Variants in ARHGAP28 observed in about 807,000 individuals in gnomAD.
The protein encoded by ARHGAP28 is Rho GTPase activating protein 28, also known as rho GTPase-activating protein 28.
A neutral mutation model predicts 90.7 loss-of-function variants in ARHGAP28; 56 were observed. The observed-to-expected ratio is 0.62, with a 90% CI of 0.50 to 0.77. The LOEUF (loss-of-function observed/expected upper bound fraction) is 0.77. ARHGAP28 is among the 30% of genes least tolerant of loss of function. The probability of loss-of-function intolerance (pLI) is 0.00; values close to 1 mark genes in which losing one functional copy is unlikely to be tolerated. For missense variants in ARHGAP28, 869 were observed against 900.9 expected, an observed-to-expected ratio of 0.96 and a Z score of 0.45; for synonymous variants, 308 against 323.3, an observed-to-expected ratio of 0.95 and a Z score of 0.51.
chr18:6,761,358 T>C (rs760826082), intron 1 of ARHGAP28, among the ~76,000 whole-genome samples: 15 of 152,230 alleles, frequency 9.9e-5, no homozygotes, highest in African/African-American at 3.6e-4. Flanking sequence ...TGTGCATTAG[T>C]AAACATGGAA....
At chr18:6,882,386 C>T in intron 11 of ARHGAP28, 87 bp downstream of exon 11, 2 of 1,344,356 alleles carry the variant, frequency 1.5e-6, no homozygotes, top group Admixed American at 4.6e-5. Flanking sequence ...CAAATGTGCT[C>T]ATGTATAGAT....
chr18:6,729,845 C>A lies in ARHGAP28; in HGVS notation c.24C>A (p.Gly8=). The A allele has an allele frequency of 7.0e-7, 1 of 1,428,988 alleles. No homozygotes were observed. The highest frequency in any genetic ancestry group is 9.1e-7 in the Non-Finnish European group (1 of 1,094,696). The allele number at this position is 1,428,988 out of a possible 1,614,324, so 88.5% of individuals were successfully genotyped here. A position where few individuals can be genotyped will look rare whatever the true frequency, so the allele number is the denominator to read the frequency against. Residue 8 remains glycine, a synonymous_variant, in exon 1 of 18, where the codon GGC becomes GGA. Coordinates refer to ENST00000383472, the MANE Select transcript of ARHGAP28 (RefSeq NM_001366230.1). ...CGATGGAGGTGGAGGACTCGGGCGG[C>A]GTGGTGCTGACCGCCTACCACTCGT... is the stretch of plus-strand genomic sequence containing the variant. The part of the protein sequence containing the change: MEVEDSG[G]VVLTAYHSYA...
intron 5 of ARHGAP28, among the ~76,000 whole-genome samples, chr18:6,865,811 AG>A (rs1280493167): frequency 6.6e-6 from 1 of 152,176 alleles, no homozygotes; most frequent in African/African-American, 2.4e-5. Flanking sequence ...TGGTGTAACT[AG>A]GGCAGCAGAG....
intron 4 of ARHGAP28, among the ~76,000 whole-genome samples, chr18:6,852,466 A>G (rs1600247551): frequency 6.6e-6 from 1 of 152,252 alleles, no homozygotes; most frequent in East Asian, 1.9e-4. Context: ...GCAAAATACA[A>G]TCATACCATT....
chr18:6,881,722 CCTT>C (rs1386257367), intron 10 of ARHGAP28, among the ~76,000 whole-genome samples: 7 of 152,016 alleles, frequency 4.6e-5, no homozygotes, highest in Admixed American at 6.6e-5. Flanking sequence ...GAGAGGCAAA[CCTT>C]CTTGATCTAA....
At position 6,830,288 on chromosome 18, in the gene ARHGAP28, CT is replaced by C. The variant is rs957527225; in HGVS notation, c.325+5333del. Reference sequence around the variant, plus strand: ...AAATTCTGGATTTTATTCACTCTTTCTTTTTTTTTCTTTACAATGTTATAAT... The same window carrying C: ...AAATTCTGGATTTTATTCACTCTTTCTTTTTTTTCTTTACAATGTTATAAT... On this transcript the variant is annotated intron_variant, in intron 2 of 17. Coordinates refer to ENST00000383472, the MANE Select transcript of ARHGAP28 (RefSeq NM_001366230.1). Among the ~76,000 whole-genome samples the C allele has an allele frequency of 1.8e-3, 272 of 151,128 alleles. 1 individual carries two copies. Among genetic ancestry groups the C allele is most frequent in the African/African-American group, 6.4e-3 (262 of 41,048 alleles).
intron 7 of ARHGAP28, among the ~76,000 whole-genome samples, chr18:6,872,046 T>G (rs548654523): frequency 1.3e-5 from 2 of 152,266 alleles, no homozygotes; most frequent in East Asian, 3.9e-4. Context: ...CCCTAAGCAG[T>G]CTGCAGGTTA....
intron 1 of ARHGAP28, among the ~76,000 whole-genome samples, chr18:6,734,938 C>T (rs1481267691): frequency 6.6e-6 from 1 of 152,176 alleles, no homozygotes; most frequent in Non-Finnish European, 1.5e-5. Context: ...GCGTAGATTC[C>T]TCCATATGCA....
chr18:6,773,479 AG>A (rs2056259652), intron 1 of ARHGAP28, among the ~76,000 whole-genome samples: 1 of 152,216 alleles, frequency 6.6e-6, no homozygotes, highest in Non-Finnish European at 1.5e-5. Context: ...TTCTCATAAT[AG>A]CTTTGCAAAG....
chr18:6,822,762 A>G (rs2056634993), intron 1 of ARHGAP28, among the ~76,000 whole-genome samples: 1 of 152,244 alleles, frequency 6.6e-6, no homozygotes, highest in African/African-American at 2.4e-5. Context: ...GAAAAGATCA[A>G]TGATAAAATT....
intron 1 of ARHGAP28, among the ~76,000 whole-genome samples, chr18:6,801,278 CT>C (rs886615532): frequency 6.6e-5 from 10 of 151,994 alleles, no homozygotes; most frequent in African/African-American, 1.2e-4. Context: ...GATCTTTTCC[CT>C]AGTTAGCTGC....
At chr18:6,824,436 CA>C (rs2056647262) in intron 1 of ARHGAP28, among the ~76,000 whole-genome samples, 1 of 152,038 alleles carries the variant, frequency 6.6e-6, no homozygotes, top group African/African-American at 2.4e-5. Context: ...ACTCGGGAGG[CA>C]AAAGCAGGAG....
chr18:6,804,339 C>T (rs1600200024), intron 1 of ARHGAP28, among the ~76,000 whole-genome samples: 1 of 152,204 alleles, frequency 6.6e-6, no homozygotes, highest in East Asian at 1.9e-4. Context: ...TTTTCCTGAT[C>T]CATCTGGATA....
chr18:6,882,205 A>G lies in ARHGAP28; in HGVS notation c.1359A>G (p.Arg453=). ...DKFKWDKMCH[R]EAAVMLKAFF... ...TTAAATGGGACAAAATGTGCCATAGAGAAGCTGCAGTAATGTTGAAAGCGT... is the reference window on the plus strand; with the variant it reads ...TTAAATGGGACAAAATGTGCCATAGGGAAGCTGCAGTAATGTTGAAAGCGT... The change falls in exon 11 of 18, where the codon AGA becomes AGG. Residue 453 remains arginine, a synonymous_variant. Transcript: ENST00000383472. The G allele has an allele frequency of 1.9e-6, 3 of 1,614,110 alleles. No individual in the cohort carries two copies. The highest frequency in any genetic ancestry group is 2.5e-6 in the Non-Finnish European group (3 of 1,180,002).
At chr18:6,886,526 TAA>T (rs1338621838) in intron 11 of ARHGAP28, among the ~76,000 whole-genome samples, 1 of 152,182 alleles carries the variant, frequency 6.6e-6, no homozygotes, top group Non-Finnish European at 1.5e-5. Flanking sequence ...AGATCTAGAA[TAA>T]GTGTCATAGA....
At chr18:6,745,510 T>G (rs1483883092) in intron 1 of ARHGAP28, among the ~76,000 whole-genome samples, 1 of 152,234 alleles carries the variant, frequency 6.6e-6, no homozygotes, top group African/African-American at 2.4e-5. Context: ...GTATACTTCC[T>G]CTACAGTAAA....
chr18:6,843,408 T>C (rs543951895), intron 3 of ARHGAP28, among the ~76,000 whole-genome samples: 2 of 152,354 alleles, frequency 1.3e-5, no homozygotes, highest in South Asian at 2.1e-4. Flanking sequence ...CCTTTTATTT[T>C]GGTTCTGGAA....
In ARHGAP28 at chr18:6,898,378, A is replaced by G. The variant is rs1351200582; in HGVS notation, c.2030+1752A>G. The G allele has an allele frequency of 1.5e-5, 11 of 750,334 alleles. 1 individual carries two copies. In the Admixed American group the frequency reaches 2.9e-4, roughly 20 times the overall value. 46.5% of individuals were successfully genotyped at this position (750,334 alleles called of 1,614,324 possible). On this transcript the variant is annotated intron_variant, in intron 16 of 17. Coordinates refer to ENST00000383472, the MANE Select transcript of ARHGAP28 (RefSeq NM_001366230.1). ...TGTATACTTCTGACTTGTACATTTT[A>G]TATATAATATATACACATATACACA...
chr18:6,820,028 T>C (rs1450839109), intron 1 of ARHGAP28, among the ~76,000 whole-genome samples: 6 of 152,160 alleles, frequency 3.9e-5, no homozygotes, highest in African/African-American at 1.4e-4. Context: ...TTATGAAATA[T>C]GTGAAGAAAA....
Sources: allele counts gnomAD v4.1 joint callset (sites outside exome capture counted in the v4.1 genomes callset), GRCh38; gene constraint gnomAD v4.1.1; transcripts MANE v1.5; gene names NCBI Gene and HGNC (gene_info 2026-07-23, HGNC 2026-07-21).